LEPROTL1: variants seen among roughly 807,000 people sequenced by gnomAD.
LEPROTL1 encodes the protein leptin receptor overlapping transcript-like 1.
A neutral mutation model predicts 15.4 loss-of-function variants in LEPROTL1; 6 were observed. The ratio of observed to expected loss-of-function variants is 0.39; its 90% CI spans 0.21 to 0.77. LEPROTL1 has a LOEUF of 0.77. Among genes scored for constraint, LEPROTL1 ranks in the 30% least tolerant of loss-of-function variants. The probability of loss-of-function intolerance (pLI) is 0.41; values close to 1 mark genes in which losing one functional copy is unlikely to be tolerated. For synonymous variants in LEPROTL1, 56 were observed against 52.6 expected, an observed-to-expected ratio of 1.06 and a Z score of -0.28; for missense variants, 128 against 158.1, an observed-to-expected ratio of 0.81 and a Z score of 1.02.
At chr8:30,109,348 G>C (rs1444836471), downstream of LEPROTL1, among the ~76,000 whole-genome samples, 2 of 152,112 alleles carry the variant, frequency 1.3e-5, no homozygotes, top group African/African-American at 4.8e-5. Context: ...TTACAGGTCT[G>C]TTCATTTTAT....
intron 3 of LEPROTL1, among the ~76,000 whole-genome samples, chr8:30,128,303 A>C (rs952503115): frequency 6.6e-6 from 1 of 152,234 alleles, no homozygotes; most frequent in Non-Finnish European, 1.5e-5. Context: ...GTCCTGGTTT[A>C]ACCAATCAGA....
At chr8:30,125,856 A>G (rs920068090) in intron 3 of LEPROTL1, among the ~76,000 whole-genome samples, 32 of 152,300 alleles carry the variant, frequency 2.1e-4, no homozygotes, top group Non-Finnish European at 4.3e-4. Context: ...TAAAGTAGTC[A>G]CGGCCATTTT....
At position 30,134,904 on chromosome 8, in the gene LEPROTL1, C is replaced by T. The variant is rs542034603; in HGVS notation, c.395-2368C>T. On this transcript the variant is annotated intron_variant, in intron 4 of 4. Transcript: ENST00000442880. ...CTCTTGTTTTGTTTTTCCTGAGACA[C>T]GGTCTCACTCTATCACCCAGGCTGG... Among the ~76,000 whole-genome samples, 4 of 149,196 alleles carry T rather than the reference C, an allele frequency of 2.7e-5. No individual in the cohort carries two copies. In the South Asian group the frequency reaches 6.5e-4, roughly 24 times the overall value.
chr8:30,106,839 A>G lies in LEPROTL1; in HGVS notation c.*977A>G. On this transcript the variant is annotated 3_prime_UTR_variant, in exon 4 of 4. Transcript: ENST00000321250. ...TTCCTCTGCTTCCTCCTTTTGACTT[A>G]TTTGGTATGTTGTATATATTACATA... is the stretch of plus-strand genomic sequence containing the variant. 1 of 984,628 alleles carries G rather than the reference A, an allele frequency of 1.0e-6. No individual in the cohort carries two copies. Among genetic ancestry groups the G allele is most frequent in the African/African-American group, 1.7e-5 (1 of 57,296 alleles). The allele number at this position is 984,628 out of a possible 1,614,324, so 61.0% of individuals were successfully genotyped here.
intron 4 of LEPROTL1, chr8:30,132,712 A>G (rs143939823): frequency 5.8e-6 from 9 of 1,551,668 alleles, no homozygotes; most frequent in Non-Finnish European, 7.0e-6. Flanking sequence ...GAAGGAGCAC[A>G]GAGAGCCTCC....
At chr8:30,102,628 G>A (rs1285466165) in intron 2 of LEPROTL1, among the ~76,000 whole-genome samples, 1 of 151,194 alleles carries the variant, frequency 6.6e-6, no homozygotes, top group Non-Finnish European at 1.5e-5. Context: ...CTCCAGCCTG[G>A]GTGATAGAGC....
Position 30,107,864 on chromosome 8 carries a change from T to C in LEPROTL1, c.*2002T>C. On this transcript the variant is annotated 3_prime_UTR_variant, in exon 4 of 4. Transcript: ENST00000321250. Reference sequence around the variant, plus strand: ...TTGGCCACAGACTTTTTCTAACAGCTGCGTATTATTTCTATATACTAACTG... The same window carrying C: ...TTGGCCACAGACTTTTTCTAACAGCCGCGTATTATTTCTATATACTAACTG... The C allele has an allele frequency of 2.0e-6, 2 of 985,336 alleles. No individual in the cohort carries two copies. Among genetic ancestry groups the C allele is most frequent in the Non-Finnish European group, 2.4e-6 (2 of 829,850 alleles). 61.0% of individuals were successfully genotyped at this position (985,336 alleles called of 1,614,324 possible). A position where few individuals can be genotyped will look rare whatever the true frequency, so the allele number is the denominator to read the frequency against.
intron 3 of LEPROTL1, among the ~76,000 whole-genome samples, chr8:30,128,864 A>G (rs1271390066): frequency 6.6e-6 from 1 of 150,522 alleles, no homozygotes; most frequent in African/African-American, 2.4e-5. Context: ...ACAGCTCCCC[A>G]GAAGTGCCCC....
intron 3 of LEPROTL1, chr8:30,117,306 A>T: frequency 1.4e-6 from 1 of 725,128 alleles, no homozygotes; most frequent in Non-Finnish European, 2.2e-6. Flanking sequence ...TGGACAAAAT[A>T]GTGAGACCCT....
intron 4 of LEPROTL1, among the ~76,000 whole-genome samples, chr8:30,133,632 G>A (rs905167942): frequency 1.1e-4 from 17 of 152,046 alleles, no homozygotes; most frequent in Admixed American, 9.8e-4. Flanking sequence ...TTTGAAAGTT[G>A]TGGGAATAAA....
intron 4 of LEPROTL1, chr8:30,133,032 C>A: frequency 1.4e-6 from 1 of 719,976 alleles, no homozygotes; most frequent in Non-Finnish European, 2.1e-6. Flanking sequence ...AATCTCATGG[C>A]CTGCAGGACC....
intron 1 of LEPROTL1, chr8:30,096,182 CA>C: frequency 1.3e-6 from 1 of 792,264 alleles, no homozygotes; most frequent in Non-Finnish European, 1.5e-6. Flanking sequence ...TTTCAAATTT[CA>C]AAATTTTTCT....
intron 3 of LEPROTL1, chr8:30,117,342 C>A: frequency 3.4e-6 from 3 of 877,808 alleles, no homozygotes; most frequent in South Asian, 1.4e-5. Context: ...TTTTAATTGT[C>A]TGTGAGGCAT....
intron 3 of LEPROTL1, chr8:30,131,933 G>C: frequency 6.5e-7 from 1 of 1,537,880 alleles, no homozygotes; most frequent in East Asian, 2.5e-5. Flanking sequence ...GTGAAAGCCA[G>C]GGAAAGATGT....
chr8:30,138,160 C>T (rs529414426), downstream of LEPROTL1: 9 of 174,008 alleles, frequency 5.2e-5, no homozygotes, highest in Admixed American at 4.4e-4. Flanking sequence ...CCCAAATGCT[C>T]AGGGAAACTG....
At chr8:30,096,922 G>A (rs957729809) in intron 1 of LEPROTL1, among the ~76,000 whole-genome samples, 3 of 152,164 alleles carry the variant, frequency 2.0e-5, no homozygotes, top group African/African-American at 7.2e-5. Flanking sequence ...ATTAGGCATT[G>A]CTTGAGCCAT....
intron 4 of LEPROTL1, chr8:30,133,010 A>G: frequency 8.8e-7 from 1 of 1,139,862 alleles, no homozygotes; most frequent in Non-Finnish European, 1.2e-6. Flanking sequence ...ATAGGTCTGT[A>G]CAGCTAAGAT....
At chr8:30,131,751 A>G in intron 3 of LEPROTL1, 1 of 584,284 alleles carries the variant, frequency 1.7e-6, no homozygotes, top group Non-Finnish European at 2.8e-6. Flanking sequence ...TCCTTTTTGT[A>G]TCCTCAGTAC....
At chr8:30,133,577 C>T (rs1467625085) in intron 4 of LEPROTL1, among the ~76,000 whole-genome samples, 1 of 152,084 alleles carries the variant, frequency 6.6e-6, no homozygotes, top group Non-Finnish European at 1.5e-5. Context: ...TTTACTTTAA[C>T]AGCTGAAGGT....
Sources: gnomAD v4.1 joint callset for allele counts (sites outside exome capture counted in the v4.1 genomes callset) on GRCh38, gnomAD v4.1.1 for gene constraint, MANE v1.5 for transcripts, NCBI Gene and HGNC (gene_info 2026-07-23, HGNC 2026-07-21) for gene names.